The following SOX5 variants were observed in gnomAD, a reference collection of about 807,000 sequenced individuals.
SOX5 encodes SRY-box transcription factor 5, also known as transcription factor SOX-5.
Under a neutral mutation model 92.0 loss-of-function variants are expected in SOX5, and 9 were observed. That is an observed-to-expected ratio of 0.10 (90% CI 0.06 to 0.17). The LOEUF is 0.17. SOX5 is among the 10% of genes least tolerant of loss of function. The probability of loss-of-function intolerance (pLI) is 1.00; values close to 1 mark genes in which losing one functional copy is unlikely to be tolerated. For missense variants in SOX5, 642 were observed against 944.5 expected (o/e 0.68, Z 4.20); for synonymous variants, 344 against 336.3 (o/e 1.02, Z -0.25).
chr12:23,575,277 A>C (rs1948939668), intron 10 of SOX5, among the ~76,000 whole-genome samples: 1 of 152,218 alleles, frequency 6.6e-6, no homozygotes, highest in African/African-American at 2.4e-5. Flanking sequence ...GGCAAAATGC[A>C]TTTCATCATA....
chr12:24,313,049 C>T (rs745574173), intron 2 of SOX5, among the ~76,000 whole-genome samples: 21 of 152,106 alleles, frequency 1.4e-4, no homozygotes, highest in African/African-American at 4.1e-4. Flanking sequence ...ATGGTGCAGA[C>T]GCTATACAAG....
chr12:24,210,150 C>T (rs969640450), intron 4 of SOX5, among the ~76,000 whole-genome samples: 23 of 151,248 alleles, frequency 1.5e-4, no homozygotes, highest in African/African-American at 5.3e-4. Flanking sequence ...GAAACCATAT[C>T]CCTTATTTTC....
At chr12:23,865,813 T>G (rs561536958) in intron 2 of SOX5, among the ~76,000 whole-genome samples, 27 of 152,328 alleles carry the variant, frequency 1.8e-4, no homozygotes, top group African/African-American at 6.5e-4. Flanking sequence ...ACATTCGTGA[T>G]GCAAGGGAGG....
Position 24,040,630 on chromosome 12 carries a change from T to C in SOX5, c.-1-144606A>G, listed in dbSNP as rs12303822. 6.1e-3 allele frequency among the ~76,000 whole-genome samples: 928 copies of C among 152,320 alleles called. 10 individuals are homozygous for C. Among genetic ancestry groups the C allele is most frequent in the African/African-American group, 0.02 (851 of 41,572 alleles). On this transcript the variant is annotated intron_variant, in intron 4 of 4. Coordinates refer to the SOX5 transcript ENST00000446891. Reference sequence around the variant, plus strand: ...GCTCACGCCTGTAATCCCAGCACTTTGGGAGGCCAAGGCAGGTGGATCACG... The same window carrying C: ...GCTCACGCCTGTAATCCCAGCACTTCGGGAGGCCAAGGCAGGTGGATCACG...
chr12:24,499,418 G>A (rs1947965114), intron 1 of SOX5, among the ~76,000 whole-genome samples: 1 of 152,244 alleles, frequency 6.6e-6, no homozygotes, highest in Non-Finnish European at 1.5e-5. Context: ...ATTCAGCAAA[G>A]ATGGGTGCTA....
chr12:23,805,043 G>C (rs1425183903), intron 3 of SOX5, among the ~76,000 whole-genome samples: 4 of 146,998 alleles, frequency 2.7e-5, no homozygotes, highest in Admixed American at 2.1e-4. Context: ...TTTTCTATGA[G>C]AGTGCTTTGC....
chr12:23,784,465 T>G (rs991913749), intron 3 of SOX5, among the ~76,000 whole-genome samples: 30 of 152,212 alleles, frequency 2.0e-4, no homozygotes, highest in African/African-American at 7.2e-4. Flanking sequence ...TAGCTGGCAC[T>G]ACAGGCACCC....
chr12:23,852,389 G>T (rs1595055703), intron 2 of SOX5, among the ~76,000 whole-genome samples: 1 of 151,876 alleles, frequency 6.6e-6, no homozygotes, highest in African/African-American at 2.4e-5. Flanking sequence ...TATAAAAATG[G>T]CCCCATTATA....
At chr12:23,931,881 CA>C (rs1240803273) in intron 1 of SOX5, among the ~76,000 whole-genome samples, 6 of 151,114 alleles carry the variant, frequency 4.0e-5, no homozygotes, top group Non-Finnish European at 7.4e-5. Flanking sequence ...AGATTACCTG[CA>C]AAAAATGGTA....
At chr12:23,854,913 TTAA>T (rs760721480) in intron 2 of SOX5, among the ~76,000 whole-genome samples, 44 of 152,216 alleles carry the variant, frequency 2.9e-4, no homozygotes, top group East Asian at 5.8e-4. Context: ...ATTACATAAG[TTAA>T]TAATATGTGT....
intron 3 of SOX5, among the ~76,000 whole-genome samples, chr12:23,795,398 T>C (rs552651497): frequency 6.6e-6 from 1 of 152,234 alleles, no homozygotes; most frequent in East Asian, 1.9e-4. Context: ...CGACTTTAAA[T>C]ACATTTTCCC....
intron 3 of SOX5, among the ~76,000 whole-genome samples, chr12:24,275,112 G>A (rs10732536): frequency 0.55 from 83,258 of 151,916 alleles, 23,340 homozygotes; most frequent in East Asian, 0.86. Context: ...TATATATAGT[G>A]TCTTAACAAA....
intron 4 of SOX5, among the ~76,000 whole-genome samples, chr12:24,026,679 G>T (rs1358909660): frequency 1.4e-5 from 2 of 147,450 alleles, no homozygotes; most frequent in African/African-American, 2.5e-5. Flanking sequence ...AAAAAAAAAA[G>T]GAATGTTAAA....
intron 6 of SOX5, among the ~76,000 whole-genome samples, chr12:23,733,357 G>C (rs571562745): frequency 6.6e-6 from 1 of 152,050 alleles, no homozygotes; most frequent in African/African-American, 2.4e-5. Context: ...AGGTACCATC[G>C]ACTAAAAAGT....
chr12:23,873,580 T>C (rs2096897207), intron 2 of SOX5, among the ~76,000 whole-genome samples: 1 of 152,252 alleles, frequency 6.6e-6, no homozygotes, highest in African/African-American at 2.4e-5. Context: ...TTCTGTGTTT[T>C]CAGTGCCAAG....
chr12:23,535,188 G>T (rs1940055511), intron 14 of SOX5, among the ~76,000 whole-genome samples: 1 of 152,138 alleles, frequency 6.6e-6, no homozygotes, highest in Admixed American at 6.5e-5. Flanking sequence ...ATAACATGCA[G>T]AAATAGTATT....
chr12:23,951,937 T>C (rs1005338661), upstream of SOX5, among the ~76,000 whole-genome samples: 3 of 152,208 alleles, frequency 2.0e-5, no homozygotes, highest in Non-Finnish European at 4.4e-5. Context: ...GCATTTATTT[T>C]AAATCTCTAT....
At chr12:24,035,087 C>A (rs1330344791) in intron 4 of SOX5, among the ~76,000 whole-genome samples, 1 of 152,014 alleles carries the variant, frequency 6.6e-6, no homozygotes, top group Non-Finnish European at 1.5e-5. Flanking sequence ...TTTTTCTGTA[C>A]CTAGCAAATT....
chr12:24,251,611 G>A (rs1393474494), intron 3 of SOX5, among the ~76,000 whole-genome samples: 5 of 148,366 alleles, frequency 3.4e-5, no homozygotes, highest in Non-Finnish European at 7.4e-5. Flanking sequence ...CACTTTTGTC[G>A]CCCAGGCTGG....
Sources: allele counts gnomAD v4.1 joint callset (sites outside exome capture counted in the v4.1 genomes callset), GRCh38; gene constraint gnomAD v4.1.1; transcripts MANE v1.5; gene names NCBI Gene and HGNC (gene_info 2026-07-23, HGNC 2026-07-21).